ZFYVE26: variants seen among roughly 807,000 people sequenced by gnomAD.
ZFYVE26 encodes the protein zinc finger FYVE domain-containing protein 26.
ZFYVE26 carries 181 observed loss-of-function variants against 276.5 expected under a neutral mutation model. The observed-to-expected ratio is 0.65, with a 90% CI of 0.58 to 0.74. The LOEUF (loss-of-function observed/expected upper bound fraction) is 0.74. Ranked by LOEUF, ZFYVE26 falls within the 30% of genes least tolerant of loss-of-function variation. The pLI is 0.00. For synonymous variants in ZFYVE26, 1,129 were observed against 1,203.1 expected, an observed-to-expected ratio of 0.94 and a Z score of 1.27; for missense variants, 2,821 against 3,097.9, an observed-to-expected ratio of 0.91 and a Z score of 2.12.
chr14:67,794,062 C>A, intron 13 of ZFYVE26, 109 bp downstream of exon 13: 37 of 1,282,622 alleles, frequency 2.9e-5, no homozygotes, highest in Non-Finnish European at 4.1e-5. Flanking sequence ...ATCTGCCAAC[C>A]TTGAATAACA....
At chr14:67,789,700 T>TG in intron 15 of ZFYVE26, 102 bp from the exon 16 acceptor site, 1 of 1,456,850 alleles carries the variant, frequency 6.9e-7, no homozygotes, top group Non-Finnish European at 9.5e-7. Context: ...GAGGTTCATC[T>TG]GCACAGGGTA....
rs539252787 is a variant in ZFYVE26 at position 67,751,540 on chromosome 14, C to T, written c.7372-444G>A. ...GGATTACAGACATGTGCCACCACAC[C>T]CGGCTGACTCTTCTTTTTAAACTCA... On this transcript the variant is annotated intron_variant, in intron 40 of 41. Coordinates refer to ENST00000347230, the MANE Select transcript of ZFYVE26 (RefSeq NM_015346.4). The T allele has an allele frequency of 2.6e-4, 63 of 245,988 alleles. No homozygotes were observed. The South Asian group carries it at 3.3e-3, about 13-fold the overall frequency. 15.2% of individuals were successfully genotyped at this position (245,988 alleles called of 1,614,324 possible). A position where few individuals can be genotyped will look rare whatever the true frequency, so the allele number is the denominator to read the frequency against.
intron 16 of ZFYVE26, among the ~76,000 whole-genome samples, chr14:67,787,621 A>G (rs2039691847): frequency 6.6e-6 from 1 of 152,146 alleles, no homozygotes; most frequent in Admixed American, 6.6e-5. Context: ...ACACACACAA[A>G]TTCCTCATTG....
At chr14:67,784,264 C>G (rs2039589832) in intron 20 of ZFYVE26, 70 bp downstream of exon 20, 4 of 1,332,098 alleles carry the variant, frequency 3.0e-6, no homozygotes, top group Non-Finnish European at 3.2e-6. Context: ...CACCACCGCA[C>G]TGAGCCCTTG....
intron 32 of ZFYVE26, among the ~76,000 whole-genome samples, chr14:67,763,605 G>A (rs1256266513): frequency 6.6e-6 from 1 of 152,204 alleles, no homozygotes; most frequent in Non-Finnish European, 1.5e-5. Flanking sequence ...TTGTGCAAGT[G>A]CACTCTATGG....
intron 13 of ZFYVE26, chr14:67,734,554 G>A (rs1481050171): frequency 1.3e-5 from 2 of 155,644 alleles, no homozygotes; most frequent in Non-Finnish European, 2.8e-5. Flanking sequence ...CCCAGCCACG[G>A]GAATTGGGAA....
chr14:67,784,316 C>T lies in ZFYVE26; in HGVS notation c.3626+18G>A. The T allele has an allele frequency of 6.2e-7, 1 of 1,608,650 alleles. No homozygotes were observed. The highest frequency in any genetic ancestry group is 8.5e-7 in the Non-Finnish European group (1 of 1,175,038). ...CATCCGAAGGCCCATGGCTGACTTG[C>T]ATGGAGGTGGCTCCTACCTCTCTGG... On this transcript the variant is annotated intron_variant, in intron 20 of 41. Transcript: ENST00000347230.
Position 67,763,033 on chromosome 14 carries a change from T to G in ZFYVE26, c.6012-214A>C, listed in dbSNP as rs371545493. 3.9e-5 allele frequency among the ~76,000 whole-genome samples: 6 copies of G among 152,306 alleles called. No individual in the cohort carries two copies. In the East Asian group the frequency reaches 5.8e-4, roughly 15 times the overall value. On this transcript the variant is annotated intron_variant, in intron 32 of 41. Coordinates refer to ENST00000347230, the MANE Select transcript of ZFYVE26 (RefSeq NM_015346.4). ...TTCTTCTGTCTCAGCCTCTCCAGTATCTGGGATTACAGGTGCCTGGCACCT... is the reference window on the plus strand; with the variant it reads ...TTCTTCTGTCTCAGCCTCTCCAGTAGCTGGGATTACAGGTGCCTGGCACCT...
chr14:67,813,927 T>G (rs1051489959), intron 3 of ZFYVE26, 59 bp downstream of exon 3: 14 of 1,196,350 alleles, frequency 1.2e-5, no homozygotes, highest in Non-Finnish European at 1.7e-5. Context: ...ATCCCACAAC[T>G]ACTTTCAAGT....
At chr14:67,743,222 T>G (rs1219383436), downstream of ZFYVE26, among the ~76,000 whole-genome samples, 2 of 152,090 alleles carry the variant, frequency 1.3e-5, no homozygotes, top group African/African-American at 4.8e-5. Context: ...GTGTGGTGGC[T>G]CACACCTGTA....
chr14:67,806,337 G>A (rs868272347), intron 6 of ZFYVE26, among the ~76,000 whole-genome samples: 1 of 152,188 alleles, frequency 6.6e-6, no homozygotes, highest in African/African-American at 2.4e-5. Context: ...CCAAAGGACC[G>A]ATGTAAAATG....
chr14:67,743,242 C>T (rs2038439894), downstream of ZFYVE26, among the ~76,000 whole-genome samples: 1 of 152,078 alleles, frequency 6.6e-6, no homozygotes, highest in Non-Finnish European at 1.5e-5. Context: ...AATCCCAGCA[C>T]CTTGGGAGGC....
At chr14:67,776,190 G>A (rs1181967558) in intron 25 of ZFYVE26, 84 bp from the exon 26 acceptor site, 1 of 1,590,040 alleles carries the variant, frequency 6.3e-7, no homozygotes, top group African/African-American at 1.3e-5. Flanking sequence ...GGAAGGGGAA[G>A]GGTGCATGAG....
chr14:67,772,013 C>T (rs2039222447), intron 28 of ZFYVE26, 34 bp downstream of exon 28: 1 of 1,606,302 alleles, frequency 6.2e-7, no homozygotes, highest in South Asian at 1.1e-5. Flanking sequence ...TTTACCTTCT[C>T]CTGAGGGTGA....
chr14:67,733,748 A>G, intron 13 of ZFYVE26: 1 of 1,609,936 alleles, frequency 6.2e-7, no homozygotes, highest in Non-Finnish European at 8.5e-7. Flanking sequence ...CCCTCCAGTG[A>G]CTGCAAGAGG....
Position 67,789,468 on chromosome 14 carries a change from C to T in ZFYVE26, c.2886G>A (p.Glu962=), listed in dbSNP as rs772671492. The T allele has an allele frequency of 1.2e-5, 19 of 1,614,104 alleles. No homozygotes were observed. The highest frequency in any genetic ancestry group is 1.4e-5 in the Non-Finnish European group (17 of 1,180,046). Residue 962 remains glutamate (E), a synonymous_variant, in exon 16 of 42, where the codon GAG becomes GAA. Transcript: ENST00000347230. ...ALVEPTAPLR[E]VLEDLSPPAM... Reference sequence around the variant, plus strand: ...CAGGGGGACTGAGGTCTTCCAGAACCTCTCTCAGGGGAGCAGTGGGCTCCA... The same window carrying T: ...CAGGGGGACTGAGGTCTTCCAGAACTTCTCTCAGGGGAGCAGTGGGCTCCA...
intron 10 of ZFYVE26, among the ~76,000 whole-genome samples, chr14:67,801,533 T>C (rs1543391): frequency 0.69 from 105,347 of 152,050 alleles, 36,966 homozygotes; most frequent in East Asian, 0.98. Flanking sequence ...GGAAAACTGA[T>C]CACTAGTCAG....
In ZFYVE26 at chr14:67,802,213, C is replaced by T. The variant is rs759376221; in HGVS notation, c.1505G>A (p.Cys502Tyr). The change falls in exon 10 of 42, where the codon TGT (cysteine) becomes TAT (tyrosine). Residue 502 changes from cysteine to tyrosine, a missense_variant. By Grantham distance (194) the Cys-to-Tyr change is radical. Transcript: ENST00000347230. The stretch of plus-strand genomic sequence containing the variant: ...GGCATAGATGGCATACTTCATGGCA[C>T]AGAAGCCCTGGTAGAGTGTCAGGTT... Reference protein sequence around the residue: ...CQNLTLYQGFCAMKYAIYALC... With the variant: ...CQNLTLYQGFYAMKYAIYALC... The T allele has an allele frequency of 6.2e-7, 1 of 1,614,090 alleles. No homozygotes were observed. Among genetic ancestry groups the T allele is most frequent in the Admixed American group, 1.7e-5 (1 of 60,006 alleles).
intron 20 of ZFYVE26, 116 bp downstream of exon 20, chr14:67,784,218 C>T: frequency 1.1e-6 from 1 of 876,414 alleles, no homozygotes; most frequent in Non-Finnish European, 1.9e-6. Context: ...AAAATTCAGT[C>T]AGGAAGAAAT....
Sources: gnomAD v4.1 joint callset for allele counts (sites outside exome capture counted in the v4.1 genomes callset) on GRCh38, gnomAD v4.1.1 for gene constraint, MANE v1.5 for transcripts, NCBI Gene and HGNC (gene_info 2026-07-23, HGNC 2026-07-21) for gene names.